The following PIK3C2G variants were observed in gnomAD, a reference collection of about 807,000 sequenced individuals.
PIK3C2G encodes the protein phosphatidylinositol-4-phosphate 3-kinase catalytic subunit type 2 gamma, also known as phosphatidylinositol 3-kinase C2 domain-containing subunit gamma.
Under a neutral mutation model 181.1 loss-of-function variants are expected in PIK3C2G, and 168 were observed. The ratio of observed to expected loss-of-function variants is 0.93; its 90% CI spans 0.82 to 1.05. The LOEUF is 1.05. Among genes scored for constraint, PIK3C2G ranks in the 50% least tolerant of loss-of-function variants. PIK3C2G has a pLI of 0.00. For missense variants in PIK3C2G, 1,869 were observed against 1,732.8 expected (o/e 1.08, Z -1.40); for synonymous variants, 573 against 592.2 (o/e 0.97, Z 0.47).
the PIK3C2G span, chr12:18,715,651 G>C: frequency 2.0e-5 from 3 of 151,944 alleles, no homozygotes; most frequent in Non-Finnish European, 4.4e-5. Context: ...TTTTGTGTCT[G>C]TTTTTGTTTT....
chr12:18,316,477 T>C (rs1950866847), intron 6 of PIK3C2G, among the ~76,000 whole-genome samples: 1 of 152,124 alleles, frequency 6.6e-6, no homozygotes, highest in Non-Finnish European at 1.5e-5. Context: ...GGGAATTAAG[T>C]TACATAGTTC....
At chr12:18,644,872 C>T (rs141460677) in intron 32 of PIK3C2G, among the ~76,000 whole-genome samples, 27 of 152,282 alleles carry the variant, frequency 1.8e-4, no homozygotes, top group Admixed American at 9.2e-4. Flanking sequence ...GCACTAGAGA[C>T]ACTTCAGTTC....
chr12:18,307,536 G>A (rs899033226), intron 5 of PIK3C2G, among the ~76,000 whole-genome samples: 2 of 151,970 alleles, frequency 1.3e-5, no homozygotes, highest in Middle Eastern at 3.4e-3. Context: ...GATAATTCCT[G>A]TGCTCATGTT....
chr12:18,587,337 C>T (rs1254308506), intron 29 of PIK3C2G, among the ~76,000 whole-genome samples: 2 of 152,108 alleles, frequency 1.3e-5, no homozygotes. Context: ...GCTCCTTAAG[C>T]TAACAGACAA....
intron 29 of PIK3C2G, among the ~76,000 whole-genome samples, chr12:18,586,542 G>A (rs1946788668): frequency 3.9e-5 from 6 of 152,008 alleles, no homozygotes; most frequent in Admixed American, 3.9e-4. Flanking sequence ...TCCCTAAACA[G>A]GCCAATAATG....
At chr12:18,535,181 T>G (rs1484733307) in intron 24 of PIK3C2G, among the ~76,000 whole-genome samples, 1 of 152,102 alleles carries the variant, frequency 6.6e-6, no homozygotes, top group Non-Finnish European at 1.5e-5. Flanking sequence ...CTGAAATTTC[T>G]ACATCTTACA....
chr12:18,467,113 A>G (rs975507266), intron 18 of PIK3C2G, among the ~76,000 whole-genome samples: 3 of 152,046 alleles, frequency 2.0e-5, no homozygotes, highest in Admixed American at 6.6e-5. Context: ...TAGGCTTGAA[A>G]CGCTCAATGA....
At chr12:18,693,759 T>C in the PIK3C2G span, 392,092 of 1,519,252 alleles carry the variant, frequency 0.26, 54,169 homozygotes, top group East Asian at 0.5. Flanking sequence ...GTGAAAGCTA[T>C]CATGGCCACA....
At chr12:18,402,988 G>A (rs1442758631) in intron 16 of PIK3C2G, among the ~76,000 whole-genome samples, 4 of 152,118 alleles carry the variant, frequency 2.6e-5, no homozygotes, top group South Asian at 2.1e-4. Flanking sequence ...TGCCCTGTAA[G>A]TTGAAAACCT....
intron 5 of PIK3C2G, among the ~76,000 whole-genome samples, chr12:18,303,464 T>A (rs1950295728): frequency 6.6e-6 from 1 of 151,822 alleles, no homozygotes; most frequent in South Asian, 2.1e-4. Context: ...GCCTCCAGAG[T>A]AGCTGGGATT....
intron 18 of PIK3C2G, among the ~76,000 whole-genome samples, chr12:18,428,214 T>C (rs1352056745): frequency 6.6e-6 from 1 of 151,906 alleles, no homozygotes; most frequent in Non-Finnish European, 1.5e-5. Context: ...AAGCATCATA[T>C]TTAGGGAGTG....
At chr12:18,257,264 G>A (rs1280846713), upstream of PIK3C2G, among the ~76,000 whole-genome samples, 1 of 152,092 alleles carries the variant, frequency 6.6e-6, no homozygotes, top group African/African-American at 2.4e-5. Flanking sequence ...GAAAAGATAC[G>A]GGGTGACAAT....
intron 24 of PIK3C2G, among the ~76,000 whole-genome samples, chr12:18,537,783 T>C (rs1388235382): frequency 6.6e-6 from 1 of 152,000 alleles, no homozygotes; most frequent in Non-Finnish European, 1.5e-5. Context: ...ACACATCTGT[T>C]CGATCATATC....
intron 26 of PIK3C2G, among the ~76,000 whole-genome samples, chr12:18,562,201 G>T (rs983600537): frequency 6.6e-6 from 1 of 152,120 alleles, no homozygotes; most frequent in Non-Finnish European, 1.5e-5. Flanking sequence ...GCAGGATCTC[G>T]GCTCATTGCA....
chr12:18,715,862 T>G, the PIK3C2G span: 4 of 152,176 alleles, frequency 2.6e-5, no homozygotes, highest in Non-Finnish European at 5.9e-5. Context: ...TTTAGGCATG[T>G]GGCAATGCAC....
At chr12:18,505,027 A>C (rs1356617065) in intron 23 of PIK3C2G, among the ~76,000 whole-genome samples, 1 of 152,206 alleles carries the variant, frequency 6.6e-6, no homozygotes, top group East Asian at 1.9e-4. Flanking sequence ...ACCAATGAAA[A>C]TTAGCTCCAT....
chr12:18,303,115 C>CTTTCTTTCTTTCT (rs1950253330), intron 5 of PIK3C2G, among the ~76,000 whole-genome samples: 19 of 136,598 alleles, frequency 1.4e-4, no homozygotes, highest in African/African-American at 1.7e-4. Flanking sequence ...TCTTTCTTTC[C>CTTTCTTTCTTTCT]TTCTTTCTTT....
At chr12:18,500,052 G>A (rs1241591455) in intron 22 of PIK3C2G, among the ~76,000 whole-genome samples, 1 of 152,230 alleles carries the variant, frequency 6.6e-6, no homozygotes, top group African/African-American at 2.4e-5. Flanking sequence ...GGCGGCACTT[G>A]AGGAGCCCTT....
chr12:18,412,258 A>G (rs895482585), intron 16 of PIK3C2G, among the ~76,000 whole-genome samples: 1 of 152,208 alleles, frequency 6.6e-6, no homozygotes, highest in Non-Finnish European at 1.5e-5. Flanking sequence ...TGGCCACATA[A>G]CAATGATCCA....
Sources: gnomAD v4.1 joint callset for allele counts (sites outside exome capture counted in the v4.1 genomes callset) on GRCh38, gnomAD v4.1.1 for gene constraint, MANE v1.5 for transcripts, NCBI Gene and HGNC (gene_info 2026-07-23, HGNC 2026-07-21) for gene names.